The following COPZ1 variants were observed in gnomAD, a reference collection of about 807,000 sequenced individuals.
The protein encoded by COPZ1 is coat protein complex I subunit zeta 1.
In COPZ1, 4 loss-of-function variants were observed where a neutral mutation model predicts 31.7. That is an observed-to-expected ratio of 0.13 (90% CI 0.06 to 0.29). The LOEUF (loss-of-function observed/expected upper bound fraction) is 0.29. COPZ1 is among the 10% of genes least tolerant of loss of function. COPZ1 has a pLI of 1.00. For synonymous variants in COPZ1, 74 were observed against 79.0 expected (o/e 0.94, Z 0.33); for missense variants, 156 against 211.5 (o/e 0.74, Z 1.63).
Position 54,342,279 on chromosome 12 carries a change from G to A in COPZ1, c.161G>A (p.Arg54Gln), listed in dbSNP as rs1953985093. ...FEKNIFNKTH[R>Q]TDSEIALLEG... The stretch of plus-strand genomic sequence containing the variant: ...AAGAACATTTTCAACAAGACCCATC[G>A]GACTGACAGTAGGTCATTTTCCTTT... The change falls in exon 3 of 9, where the codon CGG becomes CAG. Residue 54 changes from arginine to glutamine, a missense_variant. Physicochemically the swap from Arg to Gln is conservative, Grantham distance 43. Coordinates refer to ENST00000262061, the MANE Select transcript of COPZ1 (RefSeq NM_016057.3). The A allele has an allele frequency of 6.2e-7, 1 of 1,613,350 alleles. No homozygotes were observed. The highest frequency in any genetic ancestry group is 8.5e-7 in the Non-Finnish European group (1 of 1,179,280).
In COPZ1 at chr12:54,343,262, C is replaced by T. The variant is rs1954006202; in HGVS notation, c.207C>T (p.Tyr69=). 1 of 1,614,070 alleles carries T rather than the reference C, an allele frequency of 6.2e-7. No individual in the cohort carries two copies. The highest frequency in any genetic ancestry group is 8.5e-7 in the Non-Finnish European group (1 of 1,179,982). ...IALLEGLTVV[Y]KSSIDLYFYV... Reference sequence around the variant, plus strand: ...TCTTGGAAGGCCTGACAGTGGTATACAAAAGCAGTATAGATCTCTATTTCT... The same window carrying T: ...TCTTGGAAGGCCTGACAGTGGTATATAAAAGCAGTATAGATCTCTATTTCT... Residue 69 remains tyrosine (Y), a synonymous_variant, in exon 4 of 9, where the codon TAC becomes TAT. Transcript: ENST00000262061.
chr12:54,339,980 CGT>C (rs10522684), intron 1 of COPZ1, among the ~76,000 whole-genome samples: 27,709 of 141,774 alleles, frequency 0.2, 2,799 homozygotes, highest in Middle Eastern at 0.27. Flanking sequence ...TGTGCCTGTG[CGT>C]GTGTGTGTGT....
At chr12:54,341,809 A>G (rs1446894612) in intron 2 of COPZ1, among the ~76,000 whole-genome samples, 2 of 152,144 alleles carry the variant, frequency 1.3e-5, no homozygotes, top group African/African-American at 2.4e-5. Flanking sequence ...GTGAGGGTCT[A>G]TGGAAGTGTT....
chr12:54,338,286 T>C (rs548633830), intron 1 of COPZ1, among the ~76,000 whole-genome samples: 1 of 152,354 alleles, frequency 6.6e-6, no homozygotes, highest in African/African-American at 2.4e-5. Context: ...CTCATTCCCA[T>C]TGTTGTCTCC....
chr12:54,335,633 AT>A (rs1953848005), intron 1 of COPZ1, among the ~76,000 whole-genome samples: 1 of 150,036 alleles, frequency 6.7e-6, no homozygotes, highest in African/African-American at 2.5e-5. Flanking sequence ...GGAAGGATTT[AT>A]TTTTAAGTAG....
rs1954090142 is a variant in COPZ1, at chr12:54,347,810, C to T, written c.361C>T (p.Leu121=). ...KRALLENMEG[L]FLAVDEIVDG... ...AGCACTGCTGGAGAACATGGAGGGG[C>T]TGTTCTTGGCTGTGGATGAAATTGT... Residue 121 remains leucine, a synonymous_variant, in exon 6 of 9, where the codon CTG becomes TTG. Transcript: ENST00000262061. 1.9e-6 allele frequency: 3 copies of T among 1,612,138 alleles called. No homozygotes were observed. The highest frequency in any genetic ancestry group is 1.7e-6 in the Non-Finnish European group (2 of 1,179,570).
At chr12:54,334,479 T>C (rs1953818528) in intron 1 of COPZ1, among the ~76,000 whole-genome samples, 1 of 152,038 alleles carries the variant, frequency 6.6e-6, no homozygotes, top group Non-Finnish European at 1.5e-5. Flanking sequence ...AGCTAATTCT[T>C]CTTTTCTTTT....
intron 3 of COPZ1, among the ~76,000 whole-genome samples, chr12:54,342,853 C>CTTTTTTT (rs11321130): frequency 1.1e-5 from 1 of 94,620 alleles, no homozygotes; most frequent in Non-Finnish European, 2.0e-5. Context: ...GTAACGCCTT[C>CTTTTTTT]TTTTTTTTTT....
chr12:54,350,697 CT>C lies in COPZ1; in HGVS notation c.*179del, dbSNP rs376053567. 440 of 615,482 alleles carry C rather than the reference CT, an allele frequency of 7.1e-4. 3 individuals carry two copies. In the African/African-American group the frequency reaches 7.6e-3, roughly 11 times the overall value. The allele number at this position is 615,482 out of a possible 1,614,324, so 38.1% of individuals were successfully genotyped here. Reference sequence around the variant, plus strand: ...CAACCTCCCCTACACCCTTCCTATTCTTTTTCATTCTTCTTGCAGTTCTGGG... The same window carrying C: ...CAACCTCCCCTACACCCTTCCTATTCTTTTCATTCTTCTTGCAGTTCTGGG... On this transcript the variant is annotated 3_prime_UTR_variant, in exon 9 of 9. Coordinates refer to ENST00000262061, the MANE Select transcript of COPZ1 (RefSeq NM_016057.3).
intron 2 of COPZ1, 96 bp from the exon 3 acceptor site, chr12:54,342,110 G>A (rs1049180317): frequency 7.1e-6 from 6 of 848,486 alleles, no homozygotes; most frequent in Non-Finnish European, 1.2e-5. Context: ...ATGCCTTGAA[G>A]GAGAGAAATC....
intron 2 of COPZ1, 103 bp from the exon 3 acceptor site, chr12:54,342,103 C>A: frequency 1.3e-6 from 1 of 796,992 alleles, no homozygotes; most frequent in Non-Finnish European, 2.2e-6. Flanking sequence ...TTGCCCCATG[C>A]CTTGAAGGAG....
At chr12:54,334,711 G>A (rs577986212) in intron 1 of COPZ1, among the ~76,000 whole-genome samples, 1 of 152,128 alleles carries the variant, frequency 6.6e-6, no homozygotes, top group African/African-American at 2.4e-5. Context: ...AAAAGAATTA[G>A]CTGGTCGTAG....
chr12:54,340,348 A>G, intron 1 of COPZ1, 199 bp from the exon 2 acceptor site: 2 of 783,946 alleles, frequency 2.6e-6, no homozygotes, highest in East Asian at 6.0e-5. Flanking sequence ...CTTTGTTTAA[A>G]TGCTTTCTCT....
chr12:54,326,155 T>TTATTATTATTATTATTATTA (rs1953634268), intron 1 of COPZ1, among the ~76,000 whole-genome samples: 1 of 113,818 alleles, frequency 8.8e-6, no homozygotes, highest in Admixed American at 1.0e-4. Flanking sequence ...TATTATTATT[T>TTATTATTATTATTATTATTA]TTGAGACGGA....
At chr12:54,325,358 G>A in intron 1 of COPZ1, 177 bp downstream of exon 1, 1 of 839,926 alleles carries the variant, frequency 1.2e-6, no homozygotes, top group Non-Finnish European at 1.8e-6. Flanking sequence ...TTGGTTTAGA[G>A]TAGGAAGCCC....
chr12:54,336,914 C>T (rs1032049631), intron 1 of COPZ1, among the ~76,000 whole-genome samples: 4 of 149,166 alleles, frequency 2.7e-5, no homozygotes, highest in African/African-American at 9.9e-5. Flanking sequence ...CCCAGCTACC[C>T]GGGAGGCTGA....
chr12:54,342,885 C>G (rs1287616550), intron 3 of COPZ1, among the ~76,000 whole-genome samples: 2 of 130,298 alleles, frequency 1.5e-5, no homozygotes, highest in African/African-American at 5.9e-5. Flanking sequence ...GAGACAGAGT[C>G]TCTCTCTGTC....
intron 5 of COPZ1, chr12:54,346,820 C>T (rs1366562887): frequency 1.8e-6 from 1 of 568,296 alleles, no homozygotes; most frequent in East Asian, 3.1e-5. Flanking sequence ...CATGCTACTG[C>T]ACTCCAGCCT....
At chr12:54,325,501 C>T (rs1321490370) in intron 1 of COPZ1, 4 of 268,794 alleles carry the variant, frequency 1.5e-5, no homozygotes, top group Non-Finnish European at 2.8e-5. Context: ...TGGATGATAC[C>T]CTGATTTTAA....
Sources: gnomAD v4.1 joint callset for allele counts (sites outside exome capture counted in the v4.1 genomes callset) on GRCh38, gnomAD v4.1.1 for gene constraint, MANE v1.5 for transcripts, NCBI Gene and HGNC (gene_info 2026-07-23, HGNC 2026-07-21) for gene names.